UBR4: variants seen among roughly 807,000 people sequenced by gnomAD.
UBR4 encodes the protein E3 ubiquitin-protein ligase UBR4.
UBR4 carries 124 observed loss-of-function variants against 575.6 expected under a neutral mutation model. The observed-to-expected ratio is 0.22, with a 90% CI of 0.19 to 0.25. The LOEUF is 0.25. UBR4 is among the 10% of genes least tolerant of loss of function. UBR4 has a pLI of 1.00. For synonymous variants in UBR4, 2,455 were observed against 2,473.7 expected (o/e 0.99, Z 0.22); for missense variants, 4,818 against 6,478.8 (o/e 0.74, Z 8.80).
chr1:19,195,969 T>TACACACACACACACACACACAC (rs55820713), intron 8 of UBR4, among the ~76,000 whole-genome samples: 17 of 134,048 alleles, frequency 1.3e-4, no homozygotes, highest in African/African-American at 4.6e-4. Flanking sequence ...GACTTACTTA[T>TACACACACACACACACACACAC]ACACACACAC....
intron 7 of UBR4, among the ~76,000 whole-genome samples, 182 bp from the exon 8 acceptor site, chr1:19,197,447 G>A (rs1166838823): frequency 6.6e-6 from 1 of 152,120 alleles, no homozygotes; most frequent in East Asian, 1.9e-4. Flanking sequence ...TGGGCAACAA[G>A]GCAAAACCCC....
At chr1:19,091,769 C>G (rs2077534789) in intron 97 of UBR4, among the ~76,000 whole-genome samples, 1 of 152,144 alleles carries the variant, frequency 6.6e-6, no homozygotes, top group African/African-American at 2.4e-5. Flanking sequence ...TTCTTATAAA[C>G]AAAATATGCA....
In UBR4 at chr1:19,114,089, G is replaced by A. The variant is rs1335135659; in HGVS notation, c.11203-19C>T. 1.2e-6 allele frequency: 2 copies of A among 1,603,192 alleles called. No individual in the cohort carries two copies. Among genetic ancestry groups the A allele is most frequent in the Middle Eastern group, 1.7e-4 (1 of 5,726 alleles). On this transcript the variant is annotated intron_variant, in intron 75 of 105. Transcript: ENST00000375254. ...ATACAGCCTAGACAGGAAAAGACAGGGACTGAGTGAAGGCTTTTTGGCTGA... is the reference window on the plus strand; with the variant it reads ...ATACAGCCTAGACAGGAAAAGACAGAGACTGAGTGAAGGCTTTTTGGCTGA...
chr1:19,174,803 T>C, intron 21 of UBR4, 151 bp downstream of exon 21: 1 of 767,294 alleles, frequency 1.3e-6, no homozygotes, highest in Non-Finnish European at 2.0e-6. Context: ...AATATCCAAG[T>C]AACATTTTCC....
rs1293133881 is a variant in UBR4 at position 19,126,555 on chromosome 1, TTCC to T, written c.9326_9328del (p.Trp3109_Lys3110delinsTer). 1.9e-6 allele frequency: 3 copies of T among 1,614,186 alleles called. No homozygotes were observed. ...AGGCTCCTCGTCATTCTGTTGGCTC[TTCC>T]AATATTCCAGCAGTGATTTGAGCAC... On this transcript the variant is annotated stop_gained and inframe_deletion, in exon 64 of 106. Transcript: ENST00000375254. LOFTEE classifies it high-confidence loss of function.
At chr1:19,141,241 C>G in intron 57 of UBR4, 106 bp downstream of exon 57, 2 of 1,491,750 alleles carry the variant, frequency 1.3e-6, no homozygotes, top group South Asian at 2.5e-5. Flanking sequence ...ATCAACCTCT[C>G]CCCATATCTG....
At position 19,192,473 on chromosome 1, in the gene UBR4, C is replaced by G. The variant is rs757622281; in HGVS notation, c.1203+8G>C. On this transcript the variant is annotated splice_region_variant and intron_variant, in intron 10 of 105. Coordinates refer to ENST00000375254, the MANE Select transcript of UBR4 (RefSeq NM_020765.3). ...GAAGTATGCAGCAGAGACAGATACG[C>G]TTCTTACCTCACCACCAGCCCGGCG... 2 of 1,614,176 alleles carry G rather than the reference C, an allele frequency of 1.2e-6. No individual in the cohort carries two copies. Among genetic ancestry groups the G allele is most frequent in the Non-Finnish European group, 8.5e-7 (1 of 1,180,028 alleles).
intron 21 of UBR4, 102 bp from the exon 22 acceptor site, chr1:19,174,549 T>C (rs1254519592): frequency 6.9e-7 from 1 of 1,444,502 alleles, no homozygotes; most frequent in Non-Finnish European, 9.3e-7. Flanking sequence ...AAATATCCCA[T>C]CAAATCATAA....
chr1:19,088,049 G>C lies in UBR4; in HGVS notation c.14431-120C>G. ...CTCCACTAAAAGGACAGGTGCATGA[G>C]AGGAAAGCCCTTGAGCTGTCTTCTA... is the stretch of plus-strand genomic sequence containing the variant. On this transcript the variant is annotated intron_variant, in intron 98 of 105. Transcript: ENST00000375254. This position sits in a 1 kb window ranked among gnomAD's most constrained non-coding sequence, Gnocchi z 4.0. The C allele has an allele frequency of 1.4e-6, 1 of 722,370 alleles. No homozygotes were observed. The highest frequency in any genetic ancestry group is 2.4e-6 in the Non-Finnish European group (1 of 415,458). 44.7% of individuals were successfully genotyped at this position (722,370 alleles called of 1,614,324 possible).
chr1:19,118,887 T>G lies in UBR4; in HGVS notation c.10526A>C (p.Asn3509Thr), dbSNP rs2080876990. 6.2e-7 allele frequency: 1 copy of G among 1,613,870 alleles called. No homozygotes were observed. The highest frequency in any genetic ancestry group is 8.5e-7 in the Non-Finnish European group (1 of 1,179,986). ...CAAAGCTCACTTATAAATGTTCGAG[T>G]TGGGGTGGTTGGTAAGAATATGGTT... ...TQNHILTNHP[N>T]SNIYNTLSGL... Residue 3509 changes from asparagine to threonine, a missense_variant, in exon 71 of 106, where the codon AAC (asparagine) becomes ACC (threonine). Asn to Thr is a moderately conservative substitution (Grantham distance 65). Coordinates refer to ENST00000375254, the MANE Select transcript of UBR4 (RefSeq NM_020765.3).
In UBR4 at chr1:19,141,337, G is replaced by A. The variant is rs1266917047; in HGVS notation, c.8488+10C>T. On this transcript the variant is annotated intron_variant, in intron 57 of 105. Transcript: ENST00000375254. ...CAATGGGCCGCTTTGTTCTTGGCAT[G>A]GCCTTCTACCTTGTTGGTCCTGCTG... is the stretch of plus-strand genomic sequence containing the variant. 1 of 1,614,206 alleles carries A rather than the reference G, an allele frequency of 6.2e-7. No homozygotes were observed. Among genetic ancestry groups the A allele is most frequent in the Admixed American group, 1.7e-5 (1 of 60,030 alleles).
intron 101 of UBR4, among the ~76,000 whole-genome samples, chr1:19,085,879 A>T (rs1012947682): frequency 6.6e-6 from 1 of 152,104 alleles, no homozygotes; most frequent in Non-Finnish European, 1.5e-5. Context: ...AATAGTGAAG[A>T]CCCAGAAATT....
At position 19,199,714 on chromosome 1, in the gene UBR4, T is replaced by C; in HGVS notation, c.315A>G (p.Lys105=). 6.2e-7 allele frequency: 1 copy of C among 1,614,140 alleles called. No homozygotes were observed. The highest frequency in any genetic ancestry group is 8.5e-7 in the Non-Finnish European group (1 of 1,180,014). The change falls in exon 3 of 106, where the codon AAA becomes AAG. Residue 105 remains lysine (K), a synonymous_variant. Transcript: ENST00000375254. ...NQLQSVAAAC[K]VLIEFSLLRL... ...GCAGGAGAGAAAACTCAATTAGAACTTTACAGGCTGCTGCCACTGACTGAA... is the reference window on the plus strand; with the variant it reads ...GCAGGAGAGAAAACTCAATTAGAACCTTACAGGCTGCTGCCACTGACTGAA...
intron 17 of UBR4, among the ~76,000 whole-genome samples, chr1:19,180,541 C>A (rs867018462): frequency 5.8e-3 from 621 of 107,852 alleles, no homozygotes; most frequent in Middle Eastern, 6.3e-3. Context: ...TGAAACAATT[C>A]AAAAAAAAAA....
At chr1:19,084,854 G>A (rs1321163438) in intron 101 of UBR4, among the ~76,000 whole-genome samples, 156 bp from the exon 102 acceptor site, 1 of 152,222 alleles carries the variant, frequency 6.6e-6, no homozygotes, top group East Asian at 1.9e-4. Flanking sequence ...GCCAAGGCTG[G>A]GGCCAGCAGG....
Position 19,121,089 on chromosome 1 carries a change from A to C in UBR4, c.10141+100T>G, listed in dbSNP as rs893350236. 1.5e-5 allele frequency: 23 copies of C among 1,502,912 alleles called. No homozygotes were observed. In the African/African-American group the frequency reaches 3.2e-4, roughly 21 times the overall value. The allele number at this position is 1,502,912 out of a possible 1,614,324, so 93.1% of individuals were successfully genotyped here. On this transcript the variant is annotated intron_variant, in intron 68 of 105. Transcript: ENST00000375254. ...ACATTTGGGCTTTAAGTCCCCTCTA[A>C]ATCAGGATTAAAAGACCTTTTACAA...
chr1:19,075,759 T>A (rs1034376392), intron 105 of UBR4, among the ~76,000 whole-genome samples: 3 of 152,220 alleles, frequency 2.0e-5, no homozygotes, highest in African/African-American at 4.8e-5. Context: ...TGAGCAACAC[T>A]CTAGCCCTTT....
At position 19,101,569 on chromosome 1, in the gene UBR4, T is replaced by C. The variant is rs369695401; in HGVS notation, c.12974A>G (p.Tyr4325Cys). The change falls in exon 88 of 106, where the codon TAC (tyrosine) becomes TGC (cysteine). Residue 4325 changes from tyrosine (Y) to cysteine (C), a missense_variant. Tyr to Cys is a radical substitution (Grantham distance 194). Coordinates refer to ENST00000375254, the MANE Select transcript of UBR4 (RefSeq NM_020765.3). Reference sequence around the variant, plus strand: ...CTCGAAGATGAACACCGGGGTCCGGTAGTCATCCAGATTGTAGCGCTTGGC... The same window carrying C: ...CTCGAAGATGAACACCGGGGTCCGGCAGTCATCCAGATTGTAGCGCTTGGC... ...ETAKRYNLDD[Y>C]RTPVFIFERL... is the part of the protein sequence containing the mutation. 5 of 1,613,894 alleles carry C rather than the reference T, an allele frequency of 3.1e-6. No homozygotes were observed. Among genetic ancestry groups the C allele is most frequent in the South Asian group, 1.1e-5 (1 of 91,088 alleles).
Position 19,088,265 on chromosome 1 carries a change from T to C in UBR4, c.14431-336A>G, listed in dbSNP as rs572499864. ...CCAAGGGTTGTTGCACTATGATTCA[T>C]TCACTGTTCCCAGGTGAGCTTTTCA... On this transcript the variant is annotated intron_variant, in intron 98 of 105. Transcript: ENST00000375254. This position sits in a 1 kb window ranked among gnomAD's most constrained non-coding sequence, Gnocchi z 4.0. 6.6e-4 allele frequency among the ~76,000 whole-genome samples: 100 copies of C among 152,344 alleles called. No homozygotes were observed. The highest frequency in any genetic ancestry group is 2.3e-3 in the African/African-American group (94 of 41,572).
Sources: gnomAD v4.1 joint callset for allele counts (sites outside exome capture counted in the v4.1 genomes callset) on GRCh38, gnomAD v4.1.1 for gene constraint, Gnocchi (gnomAD v3.1) non-coding constraint, MANE v1.5 for transcripts, NCBI Gene and HGNC (gene_info 2026-07-23, HGNC 2026-07-21) for gene names.